CADM2: variants seen among roughly 807,000 people sequenced by gnomAD.
The protein encoded by CADM2 is cell adhesion molecule 2, also known as immunoglobulin superfamily member 4D.
In CADM2, 12 loss-of-function variants were observed where a neutral mutation model predicts 49.8. The ratio of observed to expected loss-of-function variants is 0.24; its 90% confidence interval spans 0.15 to 0.39. The LOEUF is 0.39. CADM2 is among the 10% of genes least tolerant of loss of function. The probability of loss-of-function intolerance (pLI) is 1.00; values close to 1 mark genes in which losing one functional copy is unlikely to be tolerated. For synonymous variants in CADM2, 214 were observed against 175.4 expected (o/e 1.22, Z -1.74); for missense variants, 378 against 492.3 (o/e 0.77, Z 2.20).
At chr3:85,941,422 A>C (rs1721887581) in intron 7 of CADM2, among the ~76,000 whole-genome samples, 1 of 152,102 alleles carries the variant, frequency 6.6e-6, no homozygotes, top group Admixed American at 6.6e-5. Flanking sequence ...TAAACAGCAA[A>C]GGAATCCAGA....
At chr3:85,123,133 C>G (rs1411437089) in intron 1 of CADM2, among the ~76,000 whole-genome samples, 1 of 152,038 alleles carries the variant, frequency 6.6e-6, no homozygotes, top group Admixed American at 6.6e-5. Context: ...TGTTTTTCCT[C>G]CCATGCTTTT....
At chr3:85,208,064 C>T (rs2041694101) in intron 1 of CADM2, among the ~76,000 whole-genome samples, 1 of 152,144 alleles carries the variant, frequency 6.6e-6, no homozygotes, top group Non-Finnish European at 1.5e-5. Flanking sequence ...TTGTCTACAA[C>T]ACTGTATGAT....
chr3:85,531,212 C>T (rs2061302065), intron 1 of CADM2, among the ~76,000 whole-genome samples: 1 of 152,032 alleles, frequency 6.6e-6, no homozygotes, highest in African/African-American at 2.4e-5. Flanking sequence ...TATTTTTCCC[C>T]TCACAAGTTC....
intron 1 of CADM2, among the ~76,000 whole-genome samples, chr3:85,010,637 A>G (rs1446761218): frequency 2.0e-5 from 3 of 152,034 alleles, no homozygotes; most frequent in Non-Finnish European, 2.9e-5. Flanking sequence ...GCTACATCTT[A>G]AAGACTTCTT....
At chr3:85,922,882 C>T (rs183884403) in intron 6 of CADM2, among the ~76,000 whole-genome samples, 17 of 150,702 alleles carry the variant, frequency 1.1e-4, no homozygotes, top group African/African-American at 3.6e-4. Context: ...AGTGCAGTGG[C>T]ACTATCTTGG....
chr3:84,991,962 G>T (rs1452658227), intron 1 of CADM2, among the ~76,000 whole-genome samples: 2 of 152,188 alleles, frequency 1.3e-5, no homozygotes, highest in Non-Finnish European at 2.9e-5. Context: ...CATGGAGACA[G>T]TAAAAAGTTC....
intron 8 of CADM2, among the ~76,000 whole-genome samples, chr3:85,962,182 A>G (rs4505697): frequency 0.94 from 142,226 of 152,092 alleles, 66,627 homozygotes; most frequent in East Asian, 1. Context: ...GCTTCCCAAA[A>G]TGCTGGAATT....
intron 3 of CADM2, among the ~76,000 whole-genome samples, chr3:85,858,895 C>A (rs1186593060): frequency 1.3e-5 from 2 of 152,108 alleles, no homozygotes; most frequent in Admixed American, 1.3e-4. Context: ...AGTAACAAAA[C>A]AGCCTATATG....
intron 1 of CADM2, among the ~76,000 whole-genome samples, chr3:85,604,891 G>A (rs1013757585): frequency 5.3e-5 from 8 of 151,902 alleles, no homozygotes; most frequent in African/African-American, 1.9e-4. Flanking sequence ...TCATATAATA[G>A]ATGGCTTTCC....
intron 1 of CADM2, among the ~76,000 whole-genome samples, chr3:85,324,971 T>C (rs2107122932): frequency 6.6e-6 from 1 of 152,326 alleles, no homozygotes; most frequent in Admixed American, 6.5e-5. Context: ...TGCAGCTGGT[T>C]CTGCACAGAA....
chr3:85,354,461 A>G (rs1396543419), intron 1 of CADM2, among the ~76,000 whole-genome samples: 2 of 151,704 alleles, frequency 1.3e-5, no homozygotes, highest in Non-Finnish European at 2.9e-5. Flanking sequence ...TATGTAACAA[A>G]CCTGCACATT....
chr3:85,339,191 G>T (rs1460641912), intron 1 of CADM2, among the ~76,000 whole-genome samples: 1 of 151,164 alleles, frequency 6.6e-6, no homozygotes, highest in East Asian at 1.9e-4. Context: ...ATTATTTCTG[G>T]CACATAGTAA....
At chr3:85,820,075 G>A (rs964988175) in intron 3 of CADM2, among the ~76,000 whole-genome samples, 1 of 152,080 alleles carries the variant, frequency 6.6e-6, no homozygotes, top group African/African-American at 2.4e-5. Context: ...AGTGAGCCAA[G>A]CAGAGAAGCA....
chr3:85,797,111 G>GA (rs971364273), intron 2 of CADM2, among the ~76,000 whole-genome samples: 115 of 133,932 alleles, frequency 8.6e-4, no homozygotes, highest in African/African-American at 1.3e-3. Flanking sequence ...AAAAGAAAAA[G>GA]AAAAAAAAAA....
chr3:85,701,971 CATAG>C (rs57418964), intron 1 of CADM2, among the ~76,000 whole-genome samples: 24,804 of 133,890 alleles, frequency 0.19, 2,359 homozygotes, highest in East Asian at 0.46. Context: ...GATAGATAGA[CATAG>C]ATAGATAGAT....
intron 8 of CADM2, among the ~76,000 whole-genome samples, chr3:85,962,893 G>A (rs779882396): frequency 5.9e-5 from 9 of 151,844 alleles, no homozygotes; most frequent in Non-Finnish European, 1.3e-4. Flanking sequence ...GACAAAATAT[G>A]TTTATTTGAT....
intron 1 of CADM2, among the ~76,000 whole-genome samples, chr3:85,348,514 G>T (rs1038215407): frequency 6.6e-6 from 1 of 152,160 alleles, no homozygotes; most frequent in African/African-American, 2.4e-5. Context: ...TCAGCTTTTA[G>T]TAGTACAGTT....
intron 2 of CADM2, among the ~76,000 whole-genome samples, chr3:85,768,469 A>T (rs371758141): frequency 3.0e-3 from 160 of 54,054 alleles, no homozygotes; most frequent in Admixed American, 8.5e-3. Flanking sequence ...AAATAAATAA[A>T]TAATAAATAA....
intron 8 of CADM2, among the ~76,000 whole-genome samples, chr3:85,988,217 T>G (rs1023492876): frequency 6.6e-6 from 1 of 152,210 alleles, no homozygotes; most frequent in Non-Finnish European, 1.5e-5. Context: ...TTTTAAAACA[T>G]CTCTTGCTTC....
Sources: gnomAD v4.1 joint callset for allele counts (sites outside exome capture counted in the v4.1 genomes callset) on GRCh38, gnomAD v4.1.1 for gene constraint, MANE v1.5 for transcripts, NCBI Gene and HGNC (gene_info 2026-07-23, HGNC 2026-07-21) for gene names.